The following JMJD1C variants were observed in gnomAD, a reference collection of about 807,000 sequenced individuals.
The protein encoded by JMJD1C is jumonji domain-containing protein 1C.
A neutral mutation model predicts 245.3 loss-of-function variants in JMJD1C; 31 were observed. That is an observed-to-expected ratio of 0.13 (90% confidence interval 0.09 to 0.17). JMJD1C has a LOEUF of 0.17. Among genes scored for constraint, JMJD1C ranks in the 10% least tolerant of loss-of-function variants. JMJD1C has a pLI of 1.00. For missense variants in JMJD1C, 2,691 were observed against 3,000.2 expected, an observed-to-expected ratio of 0.90 and a Z score of 2.41; for synonymous variants, 1,057 against 1,017.4, an observed-to-expected ratio of 1.04 and a Z score of -0.74.
rs1393512783 is a variant in JMJD1C at position 63,213,709 on chromosome 10, C to A, written c.2458G>T (p.Ala820Ser). Residue 820 changes from alanine to serine, a missense_variant, in exon 8 of 26, where the codon GCC (alanine) becomes TCC (serine). Around this residue, in one of 9 missense-constraint regions of JMJD1C, gnomAD observed 1,562 missense variants for 1,490.7 expected, o/e 1.05. Transcript: ENST00000399262. ...GGHPRLESAH[A>S]SSLSHLALAH... ...AGCGCTAAGTGGCTCAAGCTGCTGGCATGAGCACTCTCTAGTCGTGGGTGG... is the reference window on the plus strand; with the variant it reads ...AGCGCTAAGTGGCTCAAGCTGCTGGAATGAGCACTCTCTAGTCGTGGGTGG... The A allele has an allele frequency of 3.7e-6, 6 of 1,614,058 alleles. No homozygotes were observed. Among genetic ancestry groups the A allele is most frequent in the Non-Finnish European group, 5.1e-6 (6 of 1,180,022 alleles).
chr10:63,445,591 G>T (rs955032319), intron 1 of JMJD1C, among the ~76,000 whole-genome samples: 8 of 152,272 alleles, frequency 5.3e-5, no homozygotes, highest in African/African-American at 1.7e-4. Flanking sequence ...CCCATTATAA[G>T]GCCTTCATCT....
chr10:63,237,609 C>A (rs1268208419), intron 3 of JMJD1C, among the ~76,000 whole-genome samples: 1 of 152,214 alleles, frequency 6.6e-6, no homozygotes, highest in Admixed American at 6.5e-5. Context: ...CCACTTCCTT[C>A]ACTGAGGTCT....
At chr10:63,458,549 G>A (rs1416019672) in intron 1 of JMJD1C, among the ~76,000 whole-genome samples, 1 of 150,770 alleles carries the variant, frequency 6.6e-6, no homozygotes, top group South Asian at 2.1e-4. Flanking sequence ...GCAGACATAT[G>A]ATCACTATCA....
intron 11 of JMJD1C, among the ~76,000 whole-genome samples, chr10:63,199,788 G>C (rs1179552390): frequency 1.3e-5 from 2 of 152,106 alleles, no homozygotes; most frequent in Non-Finnish European, 2.9e-5. Flanking sequence ...TCTATACTGG[G>C]CTACCAGCAT....
At chr10:63,310,018 C>T (rs1287410636) in intron 2 of JMJD1C, among the ~76,000 whole-genome samples, 1 of 152,180 alleles carries the variant, frequency 6.6e-6, no homozygotes, top group African/African-American at 2.4e-5. Flanking sequence ...CTGTATTTCT[C>T]TATATCAGTA....
chr10:63,328,635 C>G (rs1046133516), intron 2 of JMJD1C, among the ~76,000 whole-genome samples: 1 of 152,298 alleles, frequency 6.6e-6, no homozygotes, highest in East Asian at 1.9e-4. Flanking sequence ...GAACAACTTT[C>G]ATCTGAAACT....
intron 3 of JMJD1C, among the ~76,000 whole-genome samples, chr10:63,246,450 A>C (rs1852212166): frequency 6.6e-6 from 1 of 152,116 alleles, no homozygotes; most frequent in African/African-American, 2.4e-5. Flanking sequence ...AAACAAAACA[A>C]AACAAAAACA....
Position 63,460,705 on chromosome 10 carries a change from A to G in JMJD1C, c.168+4790T>C, listed in dbSNP as rs1009756839. Among the ~76,000 whole-genome samples, 22 of 152,340 alleles carry G rather than the reference A, an allele frequency of 1.4e-4. 1 individual carries two copies. Among genetic ancestry groups the G allele is most frequent in the Admixed American group, 1.0e-3 (16 of 15,302 alleles). On this transcript the variant is annotated intron_variant, in intron 1 of 25. Transcript: ENST00000399262. The stretch of plus-strand genomic sequence containing the variant: ...GACTTAAAGACATTTCTTGTATATA[A>G]TTTGAAATTGTCTAAAAATAATATA...
chr10:63,282,938 G>C (rs937409117), intron 2 of JMJD1C, among the ~76,000 whole-genome samples: 1 of 152,114 alleles, frequency 6.6e-6, no homozygotes, highest in East Asian at 1.9e-4. Flanking sequence ...AGATGGCCTC[G>C]GTCTCCTGAC....
chr10:63,444,011 T>A (rs542982726), intron 1 of JMJD1C, among the ~76,000 whole-genome samples: 5 of 152,332 alleles, frequency 3.3e-5, no homozygotes, highest in Admixed American at 6.5e-5. Flanking sequence ...AGAAATTTCT[T>A]GAGAACGGGT....
At chr10:63,295,490 T>C (rs952432251) in intron 2 of JMJD1C, among the ~76,000 whole-genome samples, 1 of 152,138 alleles carries the variant, frequency 6.6e-6, no homozygotes, top group Non-Finnish European at 1.5e-5. Flanking sequence ...TCTGTCTTCA[T>C]TGGCTGCTTT....
At chr10:63,291,613 C>CTA (rs1858731731) in intron 2 of JMJD1C, among the ~76,000 whole-genome samples, 1 of 43,454 alleles carries the variant, frequency 2.3e-5, no homozygotes, top group African/African-American at 1.3e-4. Flanking sequence ...GAAACTCCAT[C>CTA]TAAAAAAAAA....
At chr10:63,315,561 G>A (rs1342540192) in intron 2 of JMJD1C, among the ~76,000 whole-genome samples, 6 of 152,010 alleles carry the variant, frequency 3.9e-5, no homozygotes, top group African/African-American at 7.2e-5. Flanking sequence ...AATTCTGGCC[G>A]GGTGCAGTGG....
chr10:63,260,850 C>T (rs185989791), intron 3 of JMJD1C, among the ~76,000 whole-genome samples: 425 of 152,206 alleles, frequency 2.8e-3, no homozygotes, highest in Non-Finnish European at 4.1e-3. Flanking sequence ...TTCGGCTTCT[C>T]AAAGTGCTGG....
chr10:63,437,646 T>C (rs1951131170), intron 1 of JMJD1C, among the ~76,000 whole-genome samples: 1 of 152,218 alleles, frequency 6.6e-6, no homozygotes, highest in Non-Finnish European at 1.5e-5. Context: ...ATTTCTCTTT[T>C]TCCCAAATGC....
chr10:63,411,519 G>A (rs966847205), intron 1 of JMJD1C, among the ~76,000 whole-genome samples: 4 of 151,604 alleles, frequency 2.6e-5, no homozygotes, highest in Non-Finnish European at 5.9e-5. Context: ...GGCTGGTCTC[G>A]AACTCCTGAC....
chr10:63,287,057 A>C (rs1301526340), intron 2 of JMJD1C, among the ~76,000 whole-genome samples: 1 of 152,190 alleles, frequency 6.6e-6, no homozygotes, highest in African/African-American at 2.4e-5. Context: ...CAAAAATTAC[A>C]AAAATTAGCT....
intron 1 of JMJD1C, among the ~76,000 whole-genome samples, chr10:63,451,794 T>C (rs1403799835): frequency 2.6e-5 from 4 of 152,264 alleles, no homozygotes; most frequent in South Asian, 4.1e-4. Context: ...CCTGCATATA[T>C]GGCCAAATAA....
intron 1 of JMJD1C, among the ~76,000 whole-genome samples, chr10:63,477,584 C>T (rs1472902956): frequency 1.3e-5 from 2 of 149,774 alleles, no homozygotes; most frequent in Non-Finnish European, 3.0e-5. Context: ...CGAACCTTGA[C>T]CCATACTTTG....
Sources: allele counts gnomAD v4.1 joint callset (sites outside exome capture counted in the v4.1 genomes callset), GRCh38; gene constraint gnomAD v4.1.1; regional missense constraint gnomAD v4.1.1; transcripts MANE v1.5; gene names NCBI Gene and HGNC (gene_info 2026-07-23, HGNC 2026-07-21).